GLIS3: variants seen among roughly 807,000 people sequenced by gnomAD.
GLIS3 encodes the protein GLIS family zinc finger 3, also known as zinc finger protein GLIS3.
A neutral mutation model predicts 78.6 loss-of-function variants in GLIS3; 53 were observed. The ratio of observed to expected loss-of-function variants is 0.67; its 90% CI spans 0.54 to 0.85. GLIS3 has a LOEUF of 0.85. GLIS3 is among the 40% of genes least tolerant of loss of function. The pLI, the probability that GLIS3 is intolerant of heterozygous loss-of-function variation, is 0.00. For synonymous variants in GLIS3, 684 were observed against 509.9 expected (o/e 1.34, Z -4.60); for missense variants, 1,703 against 1,231.1 (o/e 1.38, Z -5.74).
intron 2 of GLIS3, among the ~76,000 whole-genome samples, chr9:4,188,200 G>A (rs1817987429): frequency 6.6e-6 from 1 of 151,620 alleles, no homozygotes; most frequent in Non-Finnish European, 1.5e-5. Flanking sequence ...AGACGTTTTA[G>A]CATGAAGGGT....
chr9:4,439,460 C>G, the GLIS3 span, among the ~76,000 whole-genome samples: 1 of 152,182 alleles, frequency 6.6e-6, no homozygotes, highest in Non-Finnish European at 1.5e-5. Flanking sequence ...CACAGGCACT[C>G]ACTTGTCTGG....
intron 2 of GLIS3, among the ~76,000 whole-genome samples, chr9:4,182,877 T>C (rs1187063937): frequency 1.3e-5 from 2 of 152,238 alleles, no homozygotes; most frequent in Non-Finnish European, 2.9e-5. Context: ...CCCTGTCTGA[T>C]TCTCCCAACA....
At chr9:4,263,773 C>T (rs1169431199) in intron 2 of GLIS3, among the ~76,000 whole-genome samples, 2 of 151,504 alleles carry the variant, frequency 1.3e-5, no homozygotes, top group African/African-American at 2.4e-5. Flanking sequence ...GTTGATCACT[C>T]CTTCCTTCCT....
chr9:4,213,457 T>G (rs553356289), intron 2 of GLIS3, among the ~76,000 whole-genome samples: 2 of 152,358 alleles, frequency 1.3e-5, no homozygotes, highest in East Asian at 3.9e-4. Flanking sequence ...CAGTAGAACT[T>G]CTGATGATGA....
chr9:4,198,210 G>A (rs1819043432), intron 2 of GLIS3, among the ~76,000 whole-genome samples: 1 of 152,138 alleles, frequency 6.6e-6, no homozygotes, highest in African/African-American at 2.4e-5. Context: ...TTGCAAGCAA[G>A]CTCAATGAGA....
At chr9:4,414,714 A>G in the GLIS3 span, among the ~76,000 whole-genome samples, 1 of 152,022 alleles carries the variant, frequency 6.6e-6, no homozygotes, top group Non-Finnish European at 1.5e-5. Context: ...TGAAAATTCC[A>G]GTCTTAGCAA....
intron 2 of GLIS3, chr9:4,145,163 G>A (rs17209774): frequency 6.6e-6 from 1 of 152,052 alleles, no homozygotes; most frequent in African/African-American, 2.4e-5. Context: ...ACTGCTCATA[G>A]ACCAAACACC....
intron 4 of GLIS3, among the ~76,000 whole-genome samples, chr9:3,991,651 T>C (rs1324614078): frequency 6.6e-6 from 1 of 151,820 alleles, no homozygotes; most frequent in Non-Finnish European, 1.5e-5. Context: ...TGTCATATTA[T>C]TATATAGTTC....
chr9:4,119,851 G>A (rs541770258), intron 3 of GLIS3, among the ~76,000 whole-genome samples: 1 of 152,242 alleles, frequency 6.6e-6, no homozygotes, highest in Non-Finnish European at 1.5e-5. Flanking sequence ...TGACATTGTT[G>A]CCTTGAAAAT....
chr9:4,106,159 G>C (rs1199585742), intron 4 of GLIS3, among the ~76,000 whole-genome samples: 1 of 152,130 alleles, frequency 6.6e-6, no homozygotes, highest in Non-Finnish European at 1.5e-5. Flanking sequence ...AATCACTTGA[G>C]ATGGGCCAAA....
At chr9:3,903,690 T>C (rs1823472442) in intron 6 of GLIS3, among the ~76,000 whole-genome samples, 1 of 152,178 alleles carries the variant, frequency 6.6e-6, no homozygotes, top group Non-Finnish European at 1.5e-5. Context: ...GAAGTTTACA[T>C]TCTAGAGAAG....
intron 2 of GLIS3, among the ~76,000 whole-genome samples, chr9:4,340,965 C>G (rs1362943056): frequency 6.6e-6 from 1 of 152,202 alleles, no homozygotes; most frequent in African/African-American, 2.4e-5. Flanking sequence ...GTGTGAGCCA[C>G]CGTGCCTGGC....
At chr9:4,359,316 C>A in the GLIS3 span, among the ~76,000 whole-genome samples, 1 of 152,208 alleles carries the variant, frequency 6.6e-6, no homozygotes, top group South Asian at 2.1e-4. Flanking sequence ...TTTCTCCTTA[C>A]CTTACTGCCT....
chr9:4,321,146 C>A (rs184106530), intron 2 of GLIS3, among the ~76,000 whole-genome samples: 1 of 151,466 alleles, frequency 6.6e-6, no homozygotes, highest in African/African-American at 2.4e-5. Flanking sequence ...CAAGGCCGGG[C>A]GCGGTGGCTC....
chr9:4,272,823 G>A (rs1333146272), intron 2 of GLIS3, among the ~76,000 whole-genome samples: 2 of 152,168 alleles, frequency 1.3e-5, no homozygotes, highest in South Asian at 2.1e-4. Context: ...TTCCCCAAAT[G>A]TCAGGTGATC....
intron 7 of GLIS3, among the ~76,000 whole-genome samples, chr9:3,893,310 CAT>C (rs1822588917): frequency 6.6e-6 from 1 of 152,128 alleles, no homozygotes; most frequent in African/African-American, 2.4e-5. Flanking sequence ...GAAAAACTAA[CAT>C]GAATACAAGG....
At chr9:3,908,716 T>TTG (rs1554644812) in intron 6 of GLIS3, among the ~76,000 whole-genome samples, 6 of 144,590 alleles carry the variant, frequency 4.1e-5, no homozygotes, top group Admixed American at 7.0e-5. Context: ...GTTTTTTTTT[T>TTG]TTTTTTTTTT....
At chr9:3,961,191 T>C (rs1817524930) in intron 4 of GLIS3, among the ~76,000 whole-genome samples, 1 of 152,178 alleles carries the variant, frequency 6.6e-6, no homozygotes, top group South Asian at 2.1e-4. Flanking sequence ...AAATGGCTCA[T>C]GAGAACCCGC....
chr9:3,959,757 T>C (rs967297063), intron 4 of GLIS3, among the ~76,000 whole-genome samples: 1 of 152,194 alleles, frequency 6.6e-6, no homozygotes, highest in Non-Finnish European at 1.5e-5. Context: ...AAATAGAGTA[T>C]AGTGACTGTA....
Sources: allele counts gnomAD v4.1 joint callset (sites outside exome capture counted in the v4.1 genomes callset), GRCh38; gene constraint gnomAD v4.1.1; transcripts MANE v1.5; gene names NCBI Gene and HGNC (gene_info 2026-07-23, HGNC 2026-07-21).